The following TMEM217B variants were observed in gnomAD, a reference collection of about 807,000 sequenced individuals.
TMEM217B encodes the protein transmembrane protein 217B.
chr6:37,227,870 T>C, the TMEM217B span, among the ~76,000 whole-genome samples: 1 of 152,108 alleles, frequency 6.6e-6, no homozygotes, highest in African/African-American at 2.4e-5. Flanking sequence ...TTACTTTGTA[T>C]ATATCTTGAG....
chr6:37,214,146 T>C, the TMEM217B span, among the ~76,000 whole-genome samples: 1 of 152,234 alleles, frequency 6.6e-6, no homozygotes, highest in African/African-American at 2.4e-5. Context: ...TTTAGCCCTT[T>C]TTGAATGTGC....
chr6:37,241,738 T>G, the TMEM217B span, among the ~76,000 whole-genome samples: 11 of 152,188 alleles, frequency 7.2e-5, no homozygotes, highest in African/African-American at 2.7e-4. Flanking sequence ...CAAATGGACA[T>G]TTTGTATATA....
chr6:37,258,049 C>T, the TMEM217B span: 2 of 1,529,268 alleles, frequency 1.3e-6, no homozygotes, highest in Non-Finnish European at 1.8e-6. Context: ...TCCCGCGGGC[C>T]TGGGGCGCCA....
the TMEM217B span, among the ~76,000 whole-genome samples, chr6:37,236,036 TC>T: frequency 6.6e-6 from 1 of 152,254 alleles, no homozygotes; most frequent in East Asian, 1.9e-4. Flanking sequence ...AAATAAAAAA[TC>T]ATTACCATAA....
the TMEM217B span, among the ~76,000 whole-genome samples, chr6:37,255,973 C>T: frequency 3.9e-5 from 6 of 152,210 alleles, no homozygotes; most frequent in Non-Finnish European, 8.8e-5. Context: ...GCACTGTTAA[C>T]TACACCCCCT....
the TMEM217B span, among the ~76,000 whole-genome samples, chr6:37,257,194 G>T: frequency 6.6e-6 from 1 of 152,188 alleles, no homozygotes; most frequent in Non-Finnish European, 1.5e-5. Flanking sequence ...TAGATCATTT[G>T]AATTTTTAAC....
the TMEM217B span, among the ~76,000 whole-genome samples, chr6:37,226,826 A>C: frequency 6.6e-6 from 1 of 152,102 alleles, no homozygotes; most frequent in Non-Finnish European, 1.5e-5. Flanking sequence ...TTGGCCTCCC[A>C]AAGTGCTGGG....
chr6:37,243,116 G>T, the TMEM217B span, among the ~76,000 whole-genome samples: 1 of 152,006 alleles, frequency 6.6e-6, no homozygotes, highest in South Asian at 2.1e-4. Flanking sequence ...AAAAAAAAGA[G>T]CCCCCTTAAA....
chr6:37,233,982 G>C, the TMEM217B span, among the ~76,000 whole-genome samples: 1 of 152,026 alleles, frequency 6.6e-6, no homozygotes, highest in African/African-American at 2.4e-5. Context: ...TTATAAAATA[G>C]TCTTTGTATT....
the TMEM217B span, among the ~76,000 whole-genome samples, chr6:37,229,943 C>A: frequency 6.6e-6 from 1 of 152,168 alleles, no homozygotes; most frequent in Admixed American, 6.5e-5. Context: ...CCTGGGCTAG[C>A]GGGACCCTTC....
At chr6:37,217,634 T>C in the TMEM217B span, 5 of 985,310 alleles carry the variant, frequency 5.1e-6, no homozygotes, top group Non-Finnish European at 6.0e-6. Flanking sequence ...GAGACATAAA[T>C]TGAAGGATGA....
At chr6:37,213,350 A>G in the TMEM217B span, among the ~76,000 whole-genome samples, 15 of 152,224 alleles carry the variant, frequency 9.9e-5, no homozygotes, top group Non-Finnish European at 2.1e-4. Flanking sequence ...GTATGAACGA[A>G]GCTCCCATCT....
the TMEM217B span, among the ~76,000 whole-genome samples, chr6:37,226,708 C>T: frequency 2.0e-5 from 3 of 152,170 alleles, no homozygotes; most frequent in South Asian, 2.1e-4. Flanking sequence ...ATTACAGGCG[C>T]GTGCAACCAC....
chr6:37,215,174 A>T, the TMEM217B span: 2 of 1,611,550 alleles, frequency 1.2e-6, no homozygotes, highest in Admixed American at 1.7e-5. Flanking sequence ...GTCCTCTGGT[A>T]CATTCTATTC....
the TMEM217B span, among the ~76,000 whole-genome samples, chr6:37,237,205 C>T: frequency 6.6e-6 from 1 of 152,200 alleles, no homozygotes; most frequent in Non-Finnish European, 1.5e-5. Context: ...GATGTAGGGA[C>T]TTCTGAGTAT....
the TMEM217B span, among the ~76,000 whole-genome samples, chr6:37,215,969 G>A: frequency 6.6e-6 from 1 of 152,100 alleles, no homozygotes; most frequent in Non-Finnish European, 1.5e-5. Context: ...ATGTTTCTCT[G>A]AAAGGCAAAG....
At chr6:37,214,225 T>TTC in the TMEM217B span, among the ~76,000 whole-genome samples, 37 of 150,230 alleles carry the variant, frequency 2.5e-4, no homozygotes, top group Middle Eastern at 3.5e-3. Flanking sequence ...AGAACTTCCT[T>TTC]TCTCTCTCTC....
the TMEM217B span, among the ~76,000 whole-genome samples, chr6:37,230,342 C>G: frequency 6.6e-6 from 1 of 152,158 alleles, no homozygotes; most frequent in African/African-American, 2.4e-5. Flanking sequence ...AGGTGTGATA[C>G]GAGGGGGCAA....
At chr6:37,219,312 C>A in the TMEM217B span, among the ~76,000 whole-genome samples, 1 of 152,098 alleles carries the variant, frequency 6.6e-6, no homozygotes, top group Admixed American at 6.6e-5. Context: ...CAAAAGTACC[C>A]AAGTCCAGGC....
Sources: gnomAD v4.1 joint callset for allele counts (sites outside exome capture counted in the v4.1 genomes callset) on GRCh38, gnomAD v4.1.1 for gene constraint, MANE v1.5 for transcripts, NCBI Gene and HGNC (gene_info 2026-07-23, HGNC 2026-07-21) for gene names.